The following ZCCHC10 variants were observed in gnomAD, a reference collection of about 807,000 sequenced individuals.
ZCCHC10 encodes the protein zinc finger CCHC-type containing 10.
ZCCHC10 carries 16 observed loss-of-function variants against 19.5 expected under a neutral mutation model. The ratio of observed to expected loss-of-function variants is 0.82; its 90% confidence interval spans 0.56 to 1.25. The LOEUF is 1.25. ZCCHC10 is among the 50% of genes most tolerant of loss of function. The pLI, the probability that ZCCHC10 is intolerant of heterozygous loss-of-function variation, is 0.00. For missense variants in ZCCHC10, 197 were observed against 201.0 expected (o/e 0.98, Z 0.12); for synonymous variants, 67 against 72.5 (o/e 0.92, Z 0.38).
At chr5:133,005,915 TG>T (rs982819432) in intron 3 of ZCCHC10, among the ~76,000 whole-genome samples, 1 of 152,050 alleles carries the variant, frequency 6.6e-6, no homozygotes, top group African/African-American at 2.4e-5. Flanking sequence ...GGAAGACTGT[TG>T]CCTTGAAAGT....
intron 2 of ZCCHC10, among the ~76,000 whole-genome samples, chr5:133,018,606 C>G (rs1209289945): frequency 6.6e-6 from 1 of 152,136 alleles, no homozygotes; most frequent in Non-Finnish European, 1.5e-5. Flanking sequence ...GTCATGTTAA[C>G]CAGGCTAGTC....
intron 2 of ZCCHC10, among the ~76,000 whole-genome samples, chr5:133,021,187 G>A (rs540995465): frequency 7.9e-5 from 12 of 151,914 alleles, no homozygotes; most frequent in African/African-American, 2.7e-4. Context: ...GAGCCACCGC[G>A]CACGGCCTAA....
At chr5:133,022,681 G>C (rs1764398111) in intron 2 of ZCCHC10, among the ~76,000 whole-genome samples, 160 bp downstream of exon 2, 1 of 151,978 alleles carries the variant, frequency 6.6e-6, no homozygotes, top group African/African-American at 2.4e-5. Flanking sequence ...TCGATCTCTT[G>C]ACCTTGTGAT....
chr5:133,022,959 G>GA (rs1764423700), intron 1 of ZCCHC10, 53 bp from the exon 2 acceptor site: 1 of 479,004 alleles, frequency 2.1e-6, no homozygotes, highest in Non-Finnish European at 3.7e-6. Context: ...CTTAAGTCCA[G>GA]AAAATCAATA....
chr5:132,997,882 A>G lies in ZCCHC10; in HGVS notation c.*701T>C, dbSNP rs1334595181. ...ACACTGACTTTTAACAGAAGGCACC[A>G]AGATTAGACTCCTAAGAAGTTTCAA... On this transcript the variant is annotated 3_prime_UTR_variant, in exon 5 of 5. Coordinates refer to ENST00000509437, the MANE Select transcript of ZCCHC10 (RefSeq NM_001300816.3). 1 of 152,164 alleles carries G rather than the reference A, an allele frequency of 6.6e-6. No individual in the cohort carries two copies. Among genetic ancestry groups the G allele is most frequent in the Non-Finnish European group, 1.5e-5 (1 of 68,008 alleles). 9.4% of individuals were successfully genotyped at this position (152,164 alleles called of 1,614,324 possible). A position where few individuals can be genotyped will look rare whatever the true frequency, so the allele number is the denominator to read the frequency against.
At chr5:133,025,503 C>CAAAAAAAAAAAAAAA (rs74843776) in intron 1 of ZCCHC10, among the ~76,000 whole-genome samples, 4 of 18,658 alleles carry the variant, frequency 2.1e-4, no homozygotes, top group African/African-American at 5.6e-4. Flanking sequence ...GACTCCGCCT[C>CAAAAAAAAAAAAAAA]AAAAAAAAAA....
At chr5:132,998,887 G>A in intron 4 of ZCCHC10, 37 bp from the exon 5 acceptor site, 1 of 1,590,136 alleles carries the variant, frequency 6.3e-7, no homozygotes, top group Non-Finnish European at 8.6e-7. Context: ...ATGGGAAGGT[G>A]ACATGTAATA....
chr5:133,011,955 G>A (rs1763568354), intron 2 of ZCCHC10, among the ~76,000 whole-genome samples: 1 of 151,462 alleles, frequency 6.6e-6, no homozygotes, highest in South Asian at 2.1e-4. Flanking sequence ...CATGGTGAAA[G>A]CCCATCTCCA....
intron 2 of ZCCHC10, chr5:133,019,297 C>T: frequency 4.9e-6 from 1 of 204,142 alleles, no homozygotes; most frequent in Non-Finnish European, 1.0e-5. Context: ...ACTCACAAAT[C>T]ACCCCTAAAA....
At chr5:132,998,917 A>ATT in intron 4 of ZCCHC10, 67 bp from the exon 5 acceptor site, 4 of 1,441,162 alleles carry the variant, frequency 2.8e-6, no homozygotes, top group East Asian at 2.5e-5. Context: ...AAGCAATTTC[A>ATT]TTTTTTTTTT....
chr5:133,018,913 A>G, intron 2 of ZCCHC10: 1 of 333,050 alleles, frequency 3.0e-6, no homozygotes, highest in Non-Finnish European at 5.8e-6. Flanking sequence ...CTAAAAATGA[A>G]AATATGTGAG....
At chr5:133,011,115 A>G (rs1763476477) in intron 2 of ZCCHC10, among the ~76,000 whole-genome samples, 1 of 151,440 alleles carries the variant, frequency 6.6e-6, no homozygotes, top group South Asian at 2.1e-4. Flanking sequence ...TAATTTAAAA[A>G]TATTTTTTTT....
intron 2 of ZCCHC10, 126 bp from the exon 3 acceptor site, chr5:133,007,046 AT>A: frequency 1.1e-6 from 1 of 923,152 alleles, no homozygotes; most frequent in Non-Finnish European, 1.5e-6. Flanking sequence ...AAAAATCAAC[AT>A]TTTACCCTTG....
At chr5:133,000,353 A>G (rs971719314) in intron 3 of ZCCHC10, among the ~76,000 whole-genome samples, 180 bp from the exon 4 acceptor site, 1 of 152,224 alleles carries the variant, frequency 6.6e-6, no homozygotes, top group Non-Finnish European at 1.5e-5. Flanking sequence ...TGTAGGCTGT[A>G]TACGGTACAT....
chr5:133,002,154 G>A (rs1436770968), intron 3 of ZCCHC10, among the ~76,000 whole-genome samples: 1 of 151,232 alleles, frequency 6.6e-6, no homozygotes, highest in African/African-American at 2.4e-5. Context: ...GTAGAGACAG[G>A]GTTTCACCAT....
At position 133,000,099 on chromosome 5, in the gene ZCCHC10, T is replaced by C. The variant is rs756364094; in HGVS notation, c.311+33A>G. 3 of 1,606,060 alleles carry C rather than the reference T, an allele frequency of 1.9e-6. No individual in the cohort carries two copies. In the South Asian group the frequency reaches 3.3e-5, roughly 18 times the overall value. On this transcript the variant is annotated intron_variant, in intron 4 of 4. Coordinates refer to ENST00000509437, the MANE Select transcript of ZCCHC10 (RefSeq NM_001300816.3). Reference sequence around the variant, plus strand: ...CCATCCCGCCAATTAGTATTACATGTTATCTATAAAACACTGCTAAAACCA... The same window carrying C: ...CCATCCCGCCAATTAGTATTACATGCTATCTATAAAACACTGCTAAAACCA...
At chr5:133,026,398 C>T in intron 1 of ZCCHC10, 99 bp downstream of exon 1, 5 of 1,503,750 alleles carry the variant, frequency 3.3e-6, no homozygotes, top group Non-Finnish European at 4.5e-6. Flanking sequence ...GAGAAACGGA[C>T]ATTCTCCGCC....
intron 3 of ZCCHC10, among the ~76,000 whole-genome samples, chr5:133,005,894 C>T (rs908917422): frequency 6.6e-6 from 1 of 151,610 alleles, no homozygotes; most frequent in Admixed American, 6.6e-5. Context: ...AGAACTTTCA[C>T]GTCACAAATT....
intron 1 of ZCCHC10, 122 bp downstream of exon 1, chr5:133,026,375 C>A (rs1764714260): frequency 7.1e-7 from 1 of 1,398,984 alleles, no homozygotes; most frequent in Non-Finnish European, 9.9e-7. Flanking sequence ...CCCCGGGAGC[C>A]AGAAGAGTGT....
Sources: gnomAD v4.1 joint callset for allele counts (sites outside exome capture counted in the v4.1 genomes callset) on GRCh38, gnomAD v4.1.1 for gene constraint, MANE v1.5 for transcripts, NCBI Gene and HGNC (gene_info 2026-07-23, HGNC 2026-07-21) for gene names.